The following DDAH1 variants were observed in gnomAD, a reference collection of about 807,000 sequenced individuals.
DDAH1 encodes the protein dimethylarginine dimethylaminohydrolase 1.
DDAH1 carries 19 observed loss-of-function variants against 28.8 expected under a neutral mutation model. The ratio of observed to expected loss-of-function variants is 0.66; its 90% CI spans 0.46 to 0.97. DDAH1 has a LOEUF of 0.97. Among genes scored for constraint, DDAH1 ranks in the 50% least tolerant of loss-of-function variants. The pLI, the probability that DDAH1 is intolerant of heterozygous loss-of-function variation, is 0.00. For missense variants in DDAH1, 326 were observed against 375.9 expected (o/e 0.87, Z 1.10); for synonymous variants, 153 against 154.4 (o/e 0.99, Z 0.07).
intron 1 of DDAH1, among the ~76,000 whole-genome samples, chr1:85,562,826 C>G (rs1158486951): frequency 6.6e-6 from 1 of 152,134 alleles, no homozygotes; most frequent in Non-Finnish European, 1.5e-5. Flanking sequence ...TTTAAGCCAC[C>G]CAGTTTACAG....
At chr1:85,540,979 A>AG (rs1477115615) in intron 1 of DDAH1, among the ~76,000 whole-genome samples, 1 of 151,828 alleles carries the variant, frequency 6.6e-6, no homozygotes, top group Admixed American at 6.6e-5. Flanking sequence ...AAAAAAAAAA[A>AG]AAAATGTATA....
chr1:85,530,121 C>A (rs551544829), intron 1 of DDAH1, among the ~76,000 whole-genome samples: 1 of 152,152 alleles, frequency 6.6e-6, no homozygotes, highest in South Asian at 2.1e-4. Context: ...TCCTCCAAAC[C>A]TTTTGCAACA....
intron 1 of DDAH1, among the ~76,000 whole-genome samples, chr1:85,463,073 T>C (rs1570576122): frequency 6.6e-6 from 1 of 152,316 alleles, no homozygotes; most frequent in East Asian, 1.9e-4. Flanking sequence ...TCCCTAAAGG[T>C]CACAGAATTA....
intron 1 of DDAH1, among the ~76,000 whole-genome samples, chr1:85,553,112 G>A (rs1003684050): frequency 2.0e-5 from 3 of 152,134 alleles, no homozygotes; most frequent in African/African-American, 7.2e-5. Context: ...GATAGTCCCA[G>A]GTGAGCTCAC....
chr1:85,459,841 C>T (rs1272460472), intron 1 of DDAH1, among the ~76,000 whole-genome samples: 3 of 152,190 alleles, frequency 2.0e-5, no homozygotes, highest in African/African-American at 7.2e-5. Flanking sequence ...TTCTCATTTA[C>T]GAGAGAAGGG....
intron 1 of DDAH1, among the ~76,000 whole-genome samples, chr1:85,526,219 GGAAA>G (rs1328750488): frequency 6.6e-6 from 1 of 152,186 alleles, no homozygotes; most frequent in African/African-American, 2.4e-5. Context: ...CCCAGCTCAT[GGAAA>G]GAGAGACGAG....
intron 1 of DDAH1, among the ~76,000 whole-genome samples, chr1:85,448,706 T>C (rs1026312556): frequency 5.9e-5 from 9 of 152,206 alleles, no homozygotes; most frequent in African/African-American, 2.2e-4. Context: ...ATTACAATAA[T>C]GTGAATAATT....
intron 1 of DDAH1, among the ~76,000 whole-genome samples, chr1:85,445,072 T>C (rs535430397): frequency 1.2e-3 from 184 of 152,306 alleles, no homozygotes; most frequent in African/African-American, 4.2e-3. Flanking sequence ...TTCACATTTT[T>C]CAGCCTGTTT....
chr1:85,359,531 C>G (rs1015705962), intron 1 of DDAH1, among the ~76,000 whole-genome samples: 1 of 152,210 alleles, frequency 6.6e-6, no homozygotes, highest in African/African-American at 2.4e-5. Flanking sequence ...CACACACACA[C>G]ACAGTATAAT....
chr1:85,529,392 C>T (rs1658001039), intron 1 of DDAH1, among the ~76,000 whole-genome samples: 1 of 151,956 alleles, frequency 6.6e-6, no homozygotes, highest in Admixed American at 6.6e-5. Context: ...CAAATTGAGA[C>T]TGAGAAATAT....
chr1:85,546,884 AG>A (rs1658643665), intron 1 of DDAH1, among the ~76,000 whole-genome samples: 1 of 152,208 alleles, frequency 6.6e-6, no homozygotes, highest in Non-Finnish European at 1.5e-5. Flanking sequence ...CCTCATGTTC[AG>A]CTGATCTCTA....
chr1:85,497,274 G>GA (rs1557693124), intron 1 of DDAH1, among the ~76,000 whole-genome samples: 9 of 152,162 alleles, frequency 5.9e-5, no homozygotes, highest in Admixed American at 2.0e-4. Flanking sequence ...CACTAAGAAT[G>GA]CAAAAAATGG....
At chr1:85,415,005 C>CTTTTTTTTTTTT (rs71727580) in intron 1 of DDAH1, among the ~76,000 whole-genome samples, 2 of 57,566 alleles carry the variant, frequency 3.5e-5, no homozygotes, top group African/African-American at 1.3e-4. Context: ...TCAAGTGTTG[C>CTTTTTTTTTTTT]TTTTTTTTTT....
rs537692925 is a variant in DDAH1 at position 85,514,064 on chromosome 1, C to T, written c.-122-17783G>A. ...AAGACACATGCACACGTATGTTTAT[C>T]GTGGCACTATTCACAATAGCAAAGA... On this transcript the variant is annotated intron_variant, in intron 1 of 6. Transcript: ENST00000426972. Among the ~76,000 whole-genome samples, 28 of 152,220 alleles carry T rather than the reference C, an allele frequency of 1.8e-4. 1 individual carries two copies. The South Asian group carries it at 4.6e-3, about 25-fold the overall frequency.
intron 2 of DDAH1, among the ~76,000 whole-genome samples, chr1:85,486,260 G>A (rs911006717): frequency 3.9e-5 from 6 of 152,154 alleles, no homozygotes; most frequent in African/African-American, 1.4e-4. Flanking sequence ...AATATGAGAA[G>A]TAAAATGCTG....
intron 1 of DDAH1, among the ~76,000 whole-genome samples, chr1:85,507,126 A>C (rs1329534691): frequency 6.6e-6 from 1 of 151,900 alleles, no homozygotes; most frequent in African/African-American, 2.4e-5. Flanking sequence ...ACACACACAA[A>C]TATATATATA....
intron 1 of DDAH1, among the ~76,000 whole-genome samples, chr1:85,568,382 A>G (rs1659363399): frequency 6.6e-6 from 1 of 152,208 alleles, no homozygotes. Flanking sequence ...AATGTAATGG[A>G]ATCCTGGAGC....
chr1:85,386,315 T>C (rs1651251995), intron 1 of DDAH1, among the ~76,000 whole-genome samples: 1 of 152,192 alleles, frequency 6.6e-6, no homozygotes, highest in South Asian at 2.1e-4. Flanking sequence ...ACAAATTATT[T>C]ATTTCCAAGA....
intron 2 of DDAH1, among the ~76,000 whole-genome samples, chr1:85,478,619 G>A (rs1199673142): frequency 1.3e-5 from 2 of 152,220 alleles, no homozygotes; most frequent in African/African-American, 4.8e-5. Flanking sequence ...CTCACAACAT[G>A]TGGGGATTAT....
Sources: allele counts gnomAD v4.1 joint callset (sites outside exome capture counted in the v4.1 genomes callset), GRCh38; gene constraint gnomAD v4.1.1; transcripts MANE v1.5; gene names NCBI Gene and HGNC (gene_info 2026-07-23, HGNC 2026-07-21).